Variants in HEATR1 observed in about 807,000 individuals in gnomAD.
HEATR1 encodes the protein HEAT repeat-containing protein 1.
A neutral mutation model predicts 248.2 loss-of-function variants in HEATR1; 77 were observed. The observed-to-expected ratio is 0.31, with a 90% confidence interval of 0.26 to 0.37. The LOEUF (loss-of-function observed/expected upper bound fraction) is 0.37, where lower values mean the gene tolerates loss of function less well. Ranked by LOEUF, HEATR1 falls within the 10% of genes least tolerant of loss-of-function variation. The probability of loss-of-function intolerance (pLI) is 1.00; values close to 1 mark genes in which losing one functional copy is unlikely to be tolerated. For synonymous variants in HEATR1, 897 were observed against 923.1 expected, an observed-to-expected ratio of 0.97 and a Z score of 0.51; for missense variants, 2,420 against 2,504.9, an observed-to-expected ratio of 0.97 and a Z score of 0.72.
intron 32 of HEATR1, among the ~76,000 whole-genome samples, 160 bp downstream of exon 32, chr1:236,564,338 A>G (rs145911828): frequency 8.3e-4 from 127 of 152,304 alleles, no homozygotes; most frequent in African/African-American, 3.0e-3. Flanking sequence ...GATCATGACG[A>G]ACGGCTTTTC....
At position 236,576,941 on chromosome 1, in the gene HEATR1, A is replaced by T; in HGVS notation, c.2764T>A (p.Ser922Thr). 1 of 1,576,048 alleles carries T rather than the reference A, an allele frequency of 6.3e-7. No individual in the cohort carries two copies. The highest frequency in any genetic ancestry group is 8.6e-7 in the Non-Finnish European group (1 of 1,166,966). The change falls in exon 21 of 45, where the codon TCT becomes ACT. Residue 922 changes from serine to threonine, a missense_variant. By Grantham distance (58) the Ser-to-Thr change is moderately conservative (BLOSUM62 1). Coordinates refer to ENST00000366582, the MANE Select transcript of HEATR1 (RefSeq NM_018072.6). Reference protein sequence around the residue: ...LASISSPVVTSLLINLGSPVK... With the variant: ...LASISSPVVTTLLINLGSPVK... Reference sequence around the variant, plus strand: ...GGGCTTCCCAGGTTAATGAGTAAAGATGTCACCACTAAAATCAAAGGAAAA... The same window carrying T: ...GGGCTTCCCAGGTTAATGAGTAAAGTTGTCACCACTAAAATCAAAGGAAAA...
At chr1:236,602,496 C>T (rs861868) in intron 3 of HEATR1, among the ~76,000 whole-genome samples, 149,298 of 152,344 alleles carry the variant, frequency 0.98, 73,225 homozygotes, top group East Asian at 1. Flanking sequence ...TTTTCTCAAG[C>T]AATGGTATTT....
At chr1:236,566,181 G>T in intron 30 of HEATR1, 136 bp from the exon 31 acceptor site, 1 of 765,316 alleles carries the variant, frequency 1.3e-6, no homozygotes, top group Non-Finnish European at 2.0e-6. Context: ...TCTACTCCCA[G>T]ATCCCATGTC....
In HEATR1 at chr1:236,574,780, A is replaced by G; in HGVS notation, c.3208T>C (p.Phe1070Leu). The change falls in exon 23 of 45, where the codon TTT becomes CTT. Residue 1070 changes from phenylalanine to leucine, a missense_variant. Phe to Leu is a conservative substitution (Grantham distance 22, BLOSUM62 0). Coordinates refer to ENST00000366582, the MANE Select transcript of HEATR1 (RefSeq NM_018072.6). ...TCCTCATTTAAAAGGGAAACTGAAA[A>G]TTCATTATACTTTCCCAGAGTGAGA... Reference protein sequence around the residue: ...LHLTLGKYNEFSVSLLNEDPK... With the variant: ...LHLTLGKYNELSVSLLNEDPK... 6.2e-7 allele frequency: 1 copy of G among 1,613,994 alleles called. No homozygotes were observed. Among genetic ancestry groups the G allele is most frequent in the Non-Finnish European group, 8.5e-7 (1 of 1,179,890 alleles).
rs1037928329 is a variant in HEATR1, at chr1:236,586,367, C to T, written c.1801G>A (p.Val601Ile). 5.0e-6 allele frequency: 8 copies of T among 1,612,994 alleles called. No homozygotes were observed. The Middle Eastern group carries it at 5.0e-4, about 100-fold the overall frequency. The stretch of plus-strand genomic sequence containing the variant: ...ATAACCATAAATGGCAGCAAACATA[C>T]AACCACCTGATTTGACAACTGATCA... ...ENDQLSNQVVVCLLPFMVINN... is the reference protein window; with the variant it reads ...ENDQLSNQVVICLLPFMVINN... Residue 601 changes from valine to isoleucine, a missense_variant, in exon 15 of 45, where the codon GTA (valine) becomes ATA (isoleucine). Coordinates refer to ENST00000366582, the MANE Select transcript of HEATR1 (RefSeq NM_018072.6).
At chr1:236,596,756 T>A in intron 6 of HEATR1, 80 bp downstream of exon 6, 1 of 1,373,436 alleles carries the variant, frequency 7.3e-7, no homozygotes, top group Non-Finnish European at 9.9e-7. Context: ...TTAAAAACAC[T>A]TAAATCTAAA....
At chr1:236,593,322 C>G (rs1248499722) in intron 9 of HEATR1, among the ~76,000 whole-genome samples, 1 of 152,086 alleles carries the variant, frequency 6.6e-6, no homozygotes, top group African/African-American at 2.4e-5. Flanking sequence ...TTTTAAGCCC[C>G]AGTCTGATTC....
intron 20 of HEATR1, 55 bp from the exon 21 acceptor site, chr1:236,577,004 C>T (rs971497296): frequency 2.3e-5 from 31 of 1,351,232 alleles, no homozygotes; most frequent in African/African-American, 2.9e-5. Flanking sequence ...TGAAACAGTA[C>T]AAAATTTACA....
intron 20 of HEATR1, 84 bp downstream of exon 20, chr1:236,581,138 T>A: frequency 8.2e-7 from 1 of 1,220,402 alleles, no homozygotes; most frequent in East Asian, 2.4e-5. Context: ...TTTTTTAAGT[T>A]ATAATTTTCC....
chr1:236,554,787 C>T (rs1248645245), intron 41 of HEATR1, 35 bp from the exon 42 acceptor site: 1 of 1,555,916 alleles, frequency 6.4e-7, no homozygotes, highest in East Asian at 2.3e-5. Flanking sequence ...TGAAAAAACA[C>T]TGAACTTAAC....
Position 236,559,134 on chromosome 1 carries a change from A to C in HEATR1, c.4772T>G (p.Val1591Gly). The change falls in exon 35 of 45, where the codon GTC becomes GGC. Residue 1591 changes from valine to glycine, a missense_variant and splice_region_variant. Transcript: ENST00000366582. ...TGTCTCTGTGGGCAGCAAGGCATTG[A>C]CCTAAAGAGAAATTTTATATTTAAC... ...LSKAYDLLDK[V>G]NALLPTETFI... 6.4e-7 allele frequency: 1 copy of C among 1,553,864 alleles called. No individual in the cohort carries two copies. Among genetic ancestry groups the C allele is most frequent in the Non-Finnish European group, 8.6e-7 (1 of 1,157,378 alleles).
At chr1:236,599,884 C>G in intron 3 of HEATR1, among the ~76,000 whole-genome samples, 1 of 152,030 alleles carries the variant, frequency 6.6e-6, no homozygotes, top group East Asian at 1.9e-4. Flanking sequence ...AACTTTCTCT[C>G]AGCTTTACAA....
chr1:236,554,562 C>T (rs766977315), intron 42 of HEATR1, 36 bp downstream of exon 42: 6 of 1,601,090 alleles, frequency 3.7e-6, no homozygotes, highest in Non-Finnish European at 5.1e-6. Flanking sequence ...ACAGTGATGG[C>T]TTCCTCAGCA....
At chr1:236,566,212 GTCC>G (rs1263642434) in intron 30 of HEATR1, among the ~76,000 whole-genome samples, 167 bp from the exon 31 acceptor site, 2 of 152,102 alleles carry the variant, frequency 1.3e-5, no homozygotes, top group African/African-American at 4.8e-5. Context: ...TTTAAAAATG[GTCC>G]TCGACTTATC....
At position 236,592,033 on chromosome 1, in the gene HEATR1, T is replaced by C; in HGVS notation, c.1382A>G (p.His461Arg). The C allele has an allele frequency of 6.2e-7, 1 of 1,607,860 alleles. No homozygotes were observed. Among genetic ancestry groups the C allele is most frequent in the Non-Finnish European group, 8.5e-7 (1 of 1,175,254 alleles). The change falls in exon 11 of 45, where the codon CAT becomes CGT. Residue 461 changes from histidine to arginine, a missense_variant. His to Arg is a conservative substitution (Grantham distance 29). Transcript: ENST00000366582. ...IADLKKQELF[H>R]QFVSLSTSGG... Reference sequence around the variant, plus strand: ...ACTTGTAGAAAGAGAAACAAACTGATGGAAAAGCTCTTGTTTTTTCAGATC... The same window carrying C: ...ACTTGTAGAAAGAGAAACAAACTGACGGAAAAGCTCTTGTTTTTTCAGATC...
Position 236,569,037 on chromosome 1 carries a change from TAACTTGAA to T in HEATR1, c.4028_4035del (p.Phe1343TyrfsTer2), listed in dbSNP as rs755532337. On this transcript the variant is annotated frameshift_variant, in exon 29 of 45. Transcript: ENST00000366582. LOFTEE classifies it high-confidence loss of function. ...ATAACCATTTTCACTGTCTTGTTAA[TAACTTGAA>T]AACTGTAAGTATCATCTAGGCGCAT... The T allele has an allele frequency of 6.2e-7, 1 of 1,610,206 alleles. No homozygotes were observed. The highest frequency in any genetic ancestry group is 8.5e-7 in the Non-Finnish European group (1 of 1,178,458).
chr1:236,563,828 A>C (rs890347032), intron 32 of HEATR1, among the ~76,000 whole-genome samples: 1 of 151,876 alleles, frequency 6.6e-6, no homozygotes, highest in Non-Finnish European at 1.5e-5. Flanking sequence ...ATCCAGGTAA[A>C]GAAAGGCTGG....
intron 8 of HEATR1, among the ~76,000 whole-genome samples, chr1:236,594,978 T>G (rs1385052486): frequency 6.6e-6 from 1 of 152,106 alleles, no homozygotes; most frequent in Non-Finnish European, 1.5e-5. Context: ...TTTGTATATT[T>G]TTGTAGAGAC....
In HEATR1 at chr1:236,555,329, C is replaced by T. The variant is rs1662936090; in HGVS notation, c.5890G>A (p.Asp1964Asn). The change falls in exon 41 of 45, where the codon GAC (aspartate) becomes AAC (asparagine). Residue 1964 changes from aspartate (D) to asparagine (N), a missense_variant. Asp to Asn is a conservative substitution (Grantham distance 23, BLOSUM62 1). Transcript: ENST00000366582. ...GAGATGTTCACCTGGTTCAAGGTGT[C>T]AGCAAAAGGCTTCACTAAGTGGCCG... The part of the protein sequence containing the change: ...FAGHLVKPFA[D>N]TLNQVNISKT... 1.9e-6 allele frequency: 3 copies of T among 1,614,074 alleles called. No homozygotes were observed. The highest frequency in any genetic ancestry group is 2.5e-6 in the Non-Finnish European group (3 of 1,180,050).
Sources: gnomAD v4.1 joint callset for allele counts (sites outside exome capture counted in the v4.1 genomes callset) on GRCh38, gnomAD v4.1.1 for gene constraint, MANE v1.5 for transcripts, NCBI Gene and HGNC (gene_info 2026-07-23, HGNC 2026-07-21) for gene names.